The following LCMT1 variants were observed in gnomAD, a reference collection of about 807,000 sequenced individuals.
LCMT1 encodes the protein leucine carboxyl methyltransferase 1, also known as [Phosphatase 2A protein]-leucine-carboxy methyltransferase 1.
Under a neutral mutation model 47.7 loss-of-function variants are expected in LCMT1, and 32 were observed. The observed-to-expected ratio is 0.67, with a 90% CI of 0.51 to 0.90. The LOEUF is 0.90. Ranked by LOEUF, LCMT1 falls within the 40% of genes least tolerant of loss-of-function variation. LCMT1 has a pLI of 0.00. For missense variants in LCMT1, 375 were observed against 415.2 expected, an observed-to-expected ratio of 0.90 and a Z score of 0.84; for synonymous variants, 152 against 149.7, an observed-to-expected ratio of 1.02 and a Z score of -0.11.
At chr16:25,120,600 T>A (rs892769504) in intron 1 of LCMT1, among the ~76,000 whole-genome samples, 2 of 151,968 alleles carry the variant, frequency 1.3e-5, no homozygotes, top group Non-Finnish European at 2.9e-5. Flanking sequence ...GCGGCTAATT[T>A]TTGTATTTTA....
At chr16:25,170,349 A>C (rs919063285) in intron 8 of LCMT1, among the ~76,000 whole-genome samples, 31 of 151,968 alleles carry the variant, frequency 2.0e-4, no homozygotes, top group African/African-American at 7.2e-4. Context: ...TACTTTAGTG[A>C]ACTTCCCCCC....
intron 7 of LCMT1, among the ~76,000 whole-genome samples, chr16:25,166,141 A>G (rs1287229824): frequency 2.0e-5 from 3 of 151,782 alleles, no homozygotes; most frequent in Non-Finnish European, 4.4e-5. Flanking sequence ...ATGGTGGCGG[A>G]CGCCTATAAT....
chr16:25,157,409 G>A (rs751846146), intron 5 of LCMT1, among the ~76,000 whole-genome samples: 3 of 151,516 alleles, frequency 2.0e-5, no homozygotes, highest in Admixed American at 1.3e-4. Flanking sequence ...AAAAAAATTA[G>A]CCAGGCATGG....
At chr16:25,135,308 T>A (rs905461263) in intron 3 of LCMT1, among the ~76,000 whole-genome samples, 4 of 150,946 alleles carry the variant, frequency 2.6e-5, no homozygotes, top group Non-Finnish European at 4.4e-5. Flanking sequence ...TATATATATA[T>A]AACATTTGTT....
At chr16:25,171,845 C>A (rs1961783793) in intron 9 of LCMT1, among the ~76,000 whole-genome samples, 1 of 152,140 alleles carries the variant, frequency 6.6e-6, no homozygotes, top group Admixed American at 6.6e-5. Flanking sequence ...GGGGAATATT[C>A]TTTTCCTACA....
At chr16:25,153,277 T>C (rs1961134540) in intron 5 of LCMT1, among the ~76,000 whole-genome samples, 1 of 152,232 alleles carries the variant, frequency 6.6e-6, no homozygotes, top group Non-Finnish European at 1.5e-5. Flanking sequence ...TGTGCTTCTA[T>C]AACAGAATAC....
intron 1 of LCMT1, among the ~76,000 whole-genome samples, chr16:25,114,330 T>C (rs527742796): frequency 9.3e-4 from 141 of 152,326 alleles, no homozygotes; most frequent in Non-Finnish European, 1.4e-3. Flanking sequence ...CTTGGCATAC[T>C]GGAGGTGTTC....
chr16:25,170,986 T>A (rs1029283378), intron 9 of LCMT1, among the ~76,000 whole-genome samples, 181 bp downstream of exon 9: 7 of 151,926 alleles, frequency 4.6e-5, no homozygotes, highest in African/African-American at 1.7e-4. Context: ...ATCCCAGCAC[T>A]TTGGGAGGCA....
chr16:25,144,761 C>T (rs998895296), intron 4 of LCMT1: 6 of 152,156 alleles, frequency 3.9e-5, no homozygotes, highest in Non-Finnish European at 7.3e-5. Context: ...TGCCACTGCC[C>T]TCCAGCAGCC....
chr16:25,133,459 C>T (rs1244033538), intron 3 of LCMT1, among the ~76,000 whole-genome samples: 3 of 131,550 alleles, frequency 2.3e-5, no homozygotes, highest in African/African-American at 8.5e-5. Flanking sequence ...AGTACAATGC[C>T]ACAATCTTGG....
intron 1 of LCMT1, among the ~76,000 whole-genome samples, chr16:25,116,617 G>C (rs1959793450): frequency 6.7e-6 from 1 of 150,274 alleles, no homozygotes; most frequent in Admixed American, 6.7e-5. Flanking sequence ...AGGTGTTAAA[G>C]AGATAAACTG....
intron 5 of LCMT1, 81 bp downstream of exon 5, chr16:25,151,696 G>GGTGGGTGT (rs1555484246): frequency 2.8e-5 from 17 of 601,944 alleles, no homozygotes; most frequent in Middle Eastern, 2.8e-4. Context: ...GTTTGTGTTG[G>GGTGGGTGT]GTGTGTGTGT....
At chr16:25,172,076 C>T (rs1019410427) in intron 9 of LCMT1, among the ~76,000 whole-genome samples, 1 of 152,078 alleles carries the variant, frequency 6.6e-6, no homozygotes, top group Non-Finnish European at 1.5e-5. Flanking sequence ...GAGCCCAAGG[C>T]AGGTGGATCA....
At chr16:25,126,531 T>C (rs575815629) in intron 1 of LCMT1, among the ~76,000 whole-genome samples, 1 of 152,280 alleles carries the variant, frequency 6.6e-6, no homozygotes, top group South Asian at 2.1e-4. Flanking sequence ...ACTGCCTTCA[T>C]TCCTCATCAT....
At position 25,111,811 on chromosome 16, in the gene LCMT1, C is replaced by A; in HGVS notation, c.-73C>A. The stretch of plus-strand genomic sequence containing the variant: ...TCTGTTGCTTTCTCCCTGTGGCTCG[C>A]GCCGTCCCCCGCCGCCCGTCGACCC... On this transcript the variant is annotated 5_prime_UTR_variant, in exon 1 of 11. Transcript: ENST00000399069. The A allele has an allele frequency of 1.0e-6, 1 of 998,504 alleles. No homozygotes were observed. The highest frequency in any genetic ancestry group is 1.4e-5 in the South Asian group (1 of 71,570). 61.9% of individuals were successfully genotyped at this position (998,504 alleles called of 1,614,324 possible).
At chr16:25,169,305 C>A in intron 8 of LCMT1, 92 bp downstream of exon 8, 1 of 839,552 alleles carries the variant, frequency 1.2e-6, no homozygotes, top group Non-Finnish European at 2.0e-6. Context: ...ATGGAGAAGC[C>A]CTGTTCAGTG....
chr16:25,151,443 A>G, intron 4 of LCMT1, 111 bp from the exon 5 acceptor site: 3 of 883,436 alleles, frequency 3.4e-6, no homozygotes, highest in South Asian at 1.5e-5. Context: ...AATAGCAAAT[A>G]TATATTTGCC....
chr16:25,156,986 T>C (rs888461539), intron 5 of LCMT1, among the ~76,000 whole-genome samples: 30 of 150,760 alleles, frequency 2.0e-4, no homozygotes, highest in African/African-American at 7.1e-4. Flanking sequence ...GGAAAATCTG[T>C]GAACCTAAAA....
Position 25,170,601 on chromosome 16 carries a change from G to C in LCMT1, c.793-113G>C, listed in dbSNP as rs372779151. 8.3e-5 allele frequency: 69 copies of C among 827,066 alleles called. No individual in the cohort carries two copies. The African/African-American group carries it at 1.1e-3, about 13-fold the overall frequency. The allele number at this position is 827,066 out of a possible 1,614,324, so 51.2% of individuals were successfully genotyped here. A position where few individuals can be genotyped will look rare whatever the true frequency, so the allele number is the denominator to read the frequency against. ...GCTGTGATCACACCACTGCACTTCA[G>C]CCTGGGCAACAGAATGAGACCTTGT... On this transcript the variant is annotated intron_variant, in intron 8 of 10. Coordinates refer to ENST00000399069, the MANE Select transcript of LCMT1 (RefSeq NM_016309.3).
Sources: gnomAD v4.1 joint callset for allele counts (sites outside exome capture counted in the v4.1 genomes callset) on GRCh38, gnomAD v4.1.1 for gene constraint, MANE v1.5 for transcripts, NCBI Gene and HGNC (gene_info 2026-07-23, HGNC 2026-07-21) for gene names.